Variants in ABCC4 observed in about 807,000 individuals in gnomAD.
ABCC4 encodes ATP binding cassette subfamily C member 4 (PEL blood group).
Under a neutral mutation model 168.5 loss-of-function variants are expected in ABCC4, and 102 were observed. The ratio of observed to expected loss-of-function variants is 0.61; its 90% CI spans 0.52 to 0.71. ABCC4 has a LOEUF of 0.71. Ranked by LOEUF, ABCC4 falls within the 30% of genes least tolerant of loss-of-function variation. The probability of loss-of-function intolerance (pLI) is 0.00; values close to 1 mark genes in which losing one functional copy is unlikely to be tolerated. For synonymous variants in ABCC4, 617 were observed against 590.7 expected (o/e 1.04, Z -0.65); for missense variants, 1,402 against 1,605.8 (o/e 0.87, Z 2.17).
rs1751013 is a variant in ABCC4 at position 95,187,959 on chromosome 13, G to A, written c.1353+494C>T. On this transcript the variant is annotated intron_variant, in intron 10 of 30. Coordinates refer to ENST00000645237, the MANE Select transcript of ABCC4 (RefSeq NM_005845.5). ...CCAGAAACTTCTGGAGGGCAGTGGC[G>A]TCTGGGTCTTGATTACAGGTGTATC... Among the ~76,000 whole-genome samples, 386 of 152,276 alleles carry A rather than the reference G, an allele frequency of 2.5e-3. 3 individuals are homozygous for A. Among genetic ancestry groups the A allele is most frequent in the African/African-American group, 9.0e-3 (373 of 41,546 alleles).
In ABCC4 at chr13:95,194,818, G is replaced by C. The variant is rs1232263465; in HGVS notation, c.1263+18C>G. The C allele has an allele frequency of 6.3e-7, 1 of 1,588,458 alleles. No homozygotes were observed. The highest frequency in any genetic ancestry group is 1.1e-5 in the South Asian group (1 of 89,926). On this transcript the variant is annotated intron_variant, in intron 9 of 30. Coordinates refer to ENST00000645237, the MANE Select transcript of ABCC4 (RefSeq NM_005845.5). Reference sequence around the variant, plus strand: ...CATTATCTTCAGCAGTCATGATCTTGCATTAAGGATATGTTACCTTATCCC... The same window carrying C: ...CATTATCTTCAGCAGTCATGATCTTCCATTAAGGATATGTTACCTTATCCC...
intron 19 of ABCC4, among the ~76,000 whole-genome samples, chr13:95,139,558 A>G (rs2036250004): frequency 6.6e-6 from 1 of 152,196 alleles, no homozygotes; most frequent in South Asian, 2.1e-4. Flanking sequence ...TGGGGCCGTG[A>G]GTGCTCAGAA....
At chr13:95,261,936 C>A (rs7996500) in intron 1 of ABCC4, among the ~76,000 whole-genome samples, 117,082 of 143,254 alleles carry the variant, frequency 0.82, 47,066 homozygotes, top group Admixed American at 0.88. Context: ...TCTCTCCACA[C>A]AAAAAAAAAA....
chr13:95,120,517 G>T (rs998498588), intron 19 of ABCC4, among the ~76,000 whole-genome samples: 6 of 139,016 alleles, frequency 4.3e-5, no homozygotes, highest in Non-Finnish European at 6.0e-5. Flanking sequence ...CATGAGCCAA[G>T]ATGATGGATG....
At chr13:95,023,184 T>C (rs542013538) in intron 30 of ABCC4, among the ~76,000 whole-genome samples, 2 of 152,354 alleles carry the variant, frequency 1.3e-5, no homozygotes, top group South Asian at 2.1e-4. Flanking sequence ...CCAAATAGGC[T>C]GCTTCCTTCT....
intron 4 of ABCC4, among the ~76,000 whole-genome samples, chr13:95,221,901 G>A (rs1235446032): frequency 1.3e-5 from 2 of 152,168 alleles, no homozygotes; most frequent in Non-Finnish European, 2.9e-5. Context: ...GCCACGTCCA[G>A]CCTCCCTCTC....
At chr13:95,172,179 A>T (rs1180635201) in intron 13 of ABCC4, among the ~76,000 whole-genome samples, 3 of 152,252 alleles carry the variant, frequency 2.0e-5, no homozygotes, top group Non-Finnish European at 4.4e-5. Flanking sequence ...ATCTCAAAAA[A>T]TACTTTCCAA....
rs560516973 is a variant in ABCC4, at chr13:95,051,511, G to C, written c.3456+1584C>G. On this transcript the variant is annotated intron_variant, in intron 27 of 30. Transcript: ENST00000645237. Reference sequence around the variant, plus strand: ...AACTCCCTGAGTAGCTGGGACTACAGGTGCATGCCACCACATCTGGCTAAT... The same window carrying C: ...AACTCCCTGAGTAGCTGGGACTACACGTGCATGCCACCACATCTGGCTAAT... 2.6e-5 allele frequency among the ~76,000 whole-genome samples: 4 copies of C among 151,960 alleles called. No homozygotes were observed. The East Asian group carries it at 7.7e-4, about 29-fold the overall frequency.
chr13:95,284,404 T>C (rs1407220396), intron 1 of ABCC4, among the ~76,000 whole-genome samples: 1 of 151,962 alleles, frequency 6.6e-6, no homozygotes, highest in Non-Finnish European at 1.5e-5. Flanking sequence ...GCACAGGCTG[T>C]TCACAAACTC....
intron 14 of ABCC4, among the ~76,000 whole-genome samples, chr13:95,166,737 C>A (rs1472741209): frequency 6.6e-6 from 1 of 152,158 alleles, no homozygotes. Context: ...AGGAAAGAAA[C>A]CTAACACTGA....
chr13:95,246,847 A>C, intron 3 of ABCC4, 128 bp downstream of exon 3: 1 of 1,114,190 alleles, frequency 9.0e-7, no homozygotes, highest in Non-Finnish European at 1.3e-6. Context: ...TTAGACCTTA[A>C]AATACCTTCA....
chr13:95,232,966 T>C (rs553561909), intron 4 of ABCC4, among the ~76,000 whole-genome samples: 4 of 152,322 alleles, frequency 2.6e-5, no homozygotes, highest in African/African-American at 9.6e-5. Flanking sequence ...CAGCCTTTCC[T>C]GTGCATGGGT....
At chr13:95,098,538 G>A (rs1171548314) in intron 20 of ABCC4, among the ~76,000 whole-genome samples, 1 of 152,150 alleles carries the variant, frequency 6.6e-6, no homozygotes, top group African/African-American at 2.4e-5. Flanking sequence ...GGACAAATGT[G>A]AGATTATGAA....
chr13:95,264,472 C>T (rs2040615056), intron 1 of ABCC4, among the ~76,000 whole-genome samples: 1 of 152,166 alleles, frequency 6.6e-6, no homozygotes, highest in Non-Finnish European at 1.5e-5. Flanking sequence ...ATAACAGTTA[C>T]CATCACCACT....
chr13:95,213,972 T>G (rs2039036986), intron 4 of ABCC4, among the ~76,000 whole-genome samples: 1 of 151,926 alleles, frequency 6.6e-6, no homozygotes, highest in African/African-American at 2.4e-5. Flanking sequence ...GACCCTGAAA[T>G]GATCCAGATT....
At chr13:95,025,328 CCACACA>C (rs1338590297) in intron 30 of ABCC4, among the ~76,000 whole-genome samples, 3 of 54,478 alleles carry the variant, frequency 5.5e-5, no homozygotes, top group African/African-American at 7.8e-5. Flanking sequence ...ACACCCACAC[CCACACA>C]CCCATACACA....
intron 26 of ABCC4, among the ~76,000 whole-genome samples, chr13:95,062,108 G>A (rs145300447): frequency 5.3e-5 from 8 of 152,234 alleles, no homozygotes; most frequent in East Asian, 1.9e-4. Flanking sequence ...AATGGTGATC[G>A]TAAGGAAGAT....
At chr13:95,124,191 TG>T (rs1190550268) in intron 19 of ABCC4, among the ~76,000 whole-genome samples, 1 of 152,154 alleles carries the variant, frequency 6.6e-6, no homozygotes, top group Non-Finnish European at 1.5e-5. Context: ...AAGTGCAGTT[TG>T]GAGAGATGGA....
In ABCC4 at chr13:95,115,978, T is replaced by C. The variant is rs776679302; in HGVS notation, c.2479A>G (p.Lys827Glu). 1 of 1,612,980 alleles carries C rather than the reference T, an allele frequency of 6.2e-7. No individual in the cohort carries two copies. The highest frequency in any genetic ancestry group is 1.1e-5 in the South Asian group (1 of 90,668). The stretch of plus-strand genomic sequence containing the variant: ...AAATCATCCAAGTGTCCAATGTCTT[T>C]GGAGAAACGATTTAAAATTCTTCCT... ...PIGRILNRFS[K>E]DIGHLDDLLP... Residue 827 changes from lysine (K) to glutamate (E), a missense_variant, in exon 20 of 31, where the codon AAA becomes GAA. By Grantham distance (56) the Lys-to-Glu change is moderately conservative (BLOSUM62 1). Transcript: ENST00000645237.
Sources: allele counts gnomAD v4.1 joint callset (sites outside exome capture counted in the v4.1 genomes callset), GRCh38; gene constraint gnomAD v4.1.1; transcripts MANE v1.5; gene names NCBI Gene and HGNC (gene_info 2026-07-23, HGNC 2026-07-21).